The following SOCS5 variants were observed in gnomAD, a reference collection of about 807,000 sequenced individuals.
SOCS5 encodes the protein suppressor of cytokine signaling 5.
Under a neutral mutation model 42.8 loss-of-function variants are expected in SOCS5, and 32 were observed. The ratio of observed to expected loss-of-function variants is 0.75; its 90% CI spans 0.56 to 1.01. The LOEUF (loss-of-function observed/expected upper bound fraction) is 1.01. Among genes scored for constraint, SOCS5 ranks in the 50% least tolerant of loss-of-function variants. SOCS5 has a pLI of 0.00. For missense variants in SOCS5, 627 were observed against 653.0 expected (o/e 0.96, Z 0.43); for synonymous variants, 283 against 229.6 (o/e 1.23, Z -2.10).
intron 1 of SOCS5, among the ~76,000 whole-genome samples, chr2:46,711,717 G>A (rs1256133958): frequency 1.3e-5 from 2 of 152,112 alleles, no homozygotes; most frequent in African/African-American, 2.4e-5. Flanking sequence ...ATATTATCCT[G>A]TTTTCTTCCA....
intron 1 of SOCS5, among the ~76,000 whole-genome samples, chr2:46,700,103 C>T (rs1381525047): frequency 6.6e-6 from 1 of 152,084 alleles, no homozygotes; most frequent in Non-Finnish European, 1.5e-5. Context: ...GTTTGGGCAT[C>T]CGAGTAGCAG....
intron 1 of SOCS5, among the ~76,000 whole-genome samples, chr2:46,728,273 C>T (rs754486438): frequency 6.6e-6 from 1 of 152,142 alleles, no homozygotes; most frequent in Admixed American, 6.5e-5. Flanking sequence ...AATAGCTGCT[C>T]CAAGCATTCT....
At chr2:46,707,711 G>C (rs752066018) in intron 1 of SOCS5, among the ~76,000 whole-genome samples, 1 of 152,176 alleles carries the variant, frequency 6.6e-6, no homozygotes, top group Non-Finnish European at 1.5e-5. Context: ...AAAGAGAATA[G>C]TCTGGAGGAG....
chr2:46,752,668 C>G (rs1267613197), intron 1 of SOCS5, among the ~76,000 whole-genome samples: 4 of 152,130 alleles, frequency 2.6e-5, no homozygotes, highest in African/African-American at 9.7e-5. Flanking sequence ...ATCATTTCTG[C>G]TATATAGTGC....
chr2:46,712,558 G>T (rs1301918520), intron 1 of SOCS5, among the ~76,000 whole-genome samples: 1 of 152,076 alleles, frequency 6.6e-6, no homozygotes, highest in Non-Finnish European at 1.5e-5. Context: ...TGGCCAGGCT[G>T]GTCTCGAATT....
intron 1 of SOCS5, among the ~76,000 whole-genome samples, chr2:46,738,949 G>A (rs1201351617): frequency 6.6e-6 from 1 of 151,890 alleles, no homozygotes; most frequent in African/African-American, 2.4e-5. Flanking sequence ...GGAACATCTT[G>A]GAATAAACAT....
intron 1 of SOCS5, among the ~76,000 whole-genome samples, chr2:46,705,330 A>C (rs1236883442): frequency 6.6e-6 from 1 of 152,148 alleles, no homozygotes; most frequent in African/African-American, 2.4e-5. Context: ...CAACCTGTGC[A>C]ATCTCACGCT....
intron 1 of SOCS5, among the ~76,000 whole-genome samples, chr2:46,705,645 G>A (rs1454984138): frequency 6.6e-6 from 1 of 152,212 alleles, no homozygotes; most frequent in Non-Finnish European, 1.5e-5. Context: ...AAATATGCAT[G>A]TGGCCAAAGG....
intron 1 of SOCS5, among the ~76,000 whole-genome samples, chr2:46,719,985 A>C (rs1159030824): frequency 3.3e-5 from 5 of 152,184 alleles, no homozygotes; most frequent in Non-Finnish European, 7.4e-5. Flanking sequence ...AAACAATATC[A>C]AGCTATGATA....
At chr2:46,721,575 C>T (rs1672885897) in intron 1 of SOCS5, among the ~76,000 whole-genome samples, 1 of 152,112 alleles carries the variant, frequency 6.6e-6, no homozygotes, top group Non-Finnish European at 1.5e-5. Flanking sequence ...AGTGCTTCCA[C>T]ATTAGACTTA....
At chr2:46,752,683 C>A (rs1673649614) in intron 1 of SOCS5, among the ~76,000 whole-genome samples, 1 of 152,204 alleles carries the variant, frequency 6.6e-6, no homozygotes, top group South Asian at 2.1e-4. Context: ...TAGTGCTCCA[C>A]TGTATGAATG....
intron 1 of SOCS5, among the ~76,000 whole-genome samples, chr2:46,717,599 C>G (rs1672778195): frequency 6.6e-6 from 1 of 152,036 alleles, no homozygotes; most frequent in African/African-American, 2.4e-5. Flanking sequence ...GATGAGAAGT[C>G]AGTGGTATTT....
intron 1 of SOCS5, among the ~76,000 whole-genome samples, chr2:46,750,631 C>T (rs150203922): frequency 1.6e-3 from 248 of 152,148 alleles, no homozygotes; most frequent in African/African-American, 5.5e-3. Flanking sequence ...TAATATAGAA[C>T]CATTTGTTAC....
At chr2:46,724,927 A>G (rs937368436) in intron 1 of SOCS5, among the ~76,000 whole-genome samples, 3 of 151,654 alleles carry the variant, frequency 2.0e-5, no homozygotes, top group African/African-American at 4.8e-5. Flanking sequence ...TTTGTCTATT[A>G]GATTTTTGTT....
At chr2:46,732,105 A>G (rs1015292799) in intron 1 of SOCS5, among the ~76,000 whole-genome samples, 4 of 152,232 alleles carry the variant, frequency 2.6e-5, no homozygotes, top group African/African-American at 9.6e-5. Context: ...GGCTGGATGC[A>G]GTTTTATTTC....
At chr2:46,735,777 A>C (rs1423256778) in intron 1 of SOCS5, among the ~76,000 whole-genome samples, 1 of 152,090 alleles carries the variant, frequency 6.6e-6, no homozygotes, top group Non-Finnish European at 1.5e-5. Context: ...ATAATTGCTT[A>C]TGTAGACATT....
upstream of SOCS5, chr2:46,698,941 G>A (rs1010203276): frequency 6.6e-6 from 1 of 152,364 alleles, no homozygotes; most frequent in African/African-American, 2.4e-5. Context: ...GCAGCTGCCA[G>A]ACTCCAAAAT....
chr2:46,716,057 T>C (rs982712284), intron 1 of SOCS5, among the ~76,000 whole-genome samples: 2 of 152,002 alleles, frequency 1.3e-5, no homozygotes, highest in African/African-American at 4.8e-5. Flanking sequence ...ATAGCTTCTT[T>C]GTCTAATTTG....
chr2:46,739,714 C>A (rs1349539549), intron 1 of SOCS5, among the ~76,000 whole-genome samples: 1 of 152,070 alleles, frequency 6.6e-6, no homozygotes, highest in East Asian at 1.9e-4. Flanking sequence ...TCTCTTTAAA[C>A]TTTTACCATC....
Sources: gnomAD v4.1 joint callset for allele counts (sites outside exome capture counted in the v4.1 genomes callset) on GRCh38, gnomAD v4.1.1 for gene constraint, MANE v1.5 for transcripts, NCBI Gene and HGNC (gene_info 2026-07-23, HGNC 2026-07-21) for gene names.